The following PIP4P2 variants were observed in gnomAD, a reference collection of about 807,000 sequenced individuals.
PIP4P2 encodes the protein phosphatidylinositol-4,5-bisphosphate 4-phosphatase 2.
Under a neutral mutation model 33.3 loss-of-function variants are expected in PIP4P2, and 19 were observed. The observed-to-expected ratio is 0.57, with a 90% CI of 0.40 to 0.84. The LOEUF is 0.84. Among genes scored for constraint, PIP4P2 ranks in the 40% least tolerant of loss-of-function variants. PIP4P2 has a pLI of 0.00. For synonymous variants in PIP4P2, 110 were observed against 111.9 expected, an observed-to-expected ratio of 0.98 and a Z score of 0.11; for missense variants, 270 against 324.7, an observed-to-expected ratio of 0.83 and a Z score of 1.29.
At position 91,011,628 on chromosome 8, in the gene PIP4P2, C is replaced by T. The variant is rs537593064; in HGVS notation, c.487-2833G>A. On this transcript the variant is annotated intron_variant, in intron 4 of 6. Coordinates refer to ENST00000285419, the MANE Select transcript of PIP4P2 (RefSeq NM_018710.3). ...ATTTTTTAATCCTAGCAATTCCCAA[C>T]GAACATGGAACTCTTTACTCACAAA... is the stretch of plus-strand genomic sequence containing the variant. Among the ~76,000 whole-genome samples the T allele has an allele frequency of 7.2e-4, 110 of 152,078 alleles. No individual in the cohort carries two copies. The East Asian group carries it at 7.5e-3, about 10-fold the overall frequency.
chr8:91,032,451 C>T (rs1370596679), intron 1 of PIP4P2, among the ~76,000 whole-genome samples: 1 of 151,970 alleles, frequency 6.6e-6, no homozygotes, highest in Non-Finnish European at 1.5e-5. Context: ...CTATGGAATG[C>T]CATTCCCAAT....
intron 1 of PIP4P2, among the ~76,000 whole-genome samples, chr8:91,032,026 G>C (rs572196258): frequency 6.6e-6 from 1 of 152,216 alleles, no homozygotes; most frequent in Non-Finnish European, 1.5e-5. Context: ...ACCACTCCTT[G>C]GATAAATGTG....
intron 5 of PIP4P2, 117 bp downstream of exon 5, chr8:91,008,626 G>T: frequency 1.3e-6 from 1 of 785,162 alleles, no homozygotes. Flanking sequence ...AAATACATTG[G>T]CATGGATTCA....
intron 1 of PIP4P2, chr8:91,024,387 T>C (rs1812053553): frequency 2.5e-6 from 1 of 399,166 alleles, no homozygotes; most frequent in Non-Finnish European, 5.0e-6. Flanking sequence ...TAGAATAAGA[T>C]TATTAATTTA....
In PIP4P2 at chr8:90,995,728, A is replaced by G; in HGVS notation, c.723T>C (p.Ala241=). Residue 241 remains alanine, a synonymous_variant, in exon 7 of 7, where the codon GCT becomes GCC. Transcript: ENST00000285419. ...TGACTCTTATGGCTCCCCAATAACA[A>G]GCTCGGATAAGGCAGATCAATCCTA... ...YLLGLICLIR[A]CYWGAIRVSY... is the part of the protein sequence containing the mutation. 1 of 1,613,388 alleles carries G rather than the reference A, an allele frequency of 6.2e-7. No individual in the cohort carries two copies. Among genetic ancestry groups the G allele is most frequent in the Non-Finnish European group, 8.5e-7 (1 of 1,179,602 alleles).
chr8:91,031,151 G>A (rs140635597), intron 1 of PIP4P2, among the ~76,000 whole-genome samples: 1 of 152,164 alleles, frequency 6.6e-6, no homozygotes, highest in Middle Eastern at 3.2e-3. Context: ...ATCCAAATAC[G>A]ACTTTTGCTG....
chr8:91,001,033 T>C (rs1395204315), intron 5 of PIP4P2, among the ~76,000 whole-genome samples: 1 of 152,096 alleles, frequency 6.6e-6, no homozygotes. Flanking sequence ...TGTAATAATT[T>C]CTAGAAGTTC....
At chr8:91,019,413 AAAAAAAAAAAAT>A (rs1388447689) in intron 3 of PIP4P2, among the ~76,000 whole-genome samples, 10 of 145,512 alleles carry the variant, frequency 6.9e-5, no homozygotes, top group South Asian at 4.5e-4. Flanking sequence ...AAAAAAAAAA[AAAAAAAAAAAAT>A]ATATTACCTG....
chr8:91,026,004 A>C (rs1396698933), intron 1 of PIP4P2, among the ~76,000 whole-genome samples: 1 of 152,188 alleles, frequency 6.6e-6, no homozygotes, highest in African/African-American at 2.4e-5. Context: ...CTGGCTGAAG[A>C]CAGGTTGAAA....
At chr8:91,031,565 T>C (rs1457000701) in intron 1 of PIP4P2, among the ~76,000 whole-genome samples, 1 of 152,174 alleles carries the variant, frequency 6.6e-6, no homozygotes, top group Non-Finnish European at 1.5e-5. Flanking sequence ...AATATCTCAA[T>C]ATGAGAGGAA....
At chr8:91,030,796 A>G (rs978653212) in intron 1 of PIP4P2, among the ~76,000 whole-genome samples, 1 of 152,060 alleles carries the variant, frequency 6.6e-6, no homozygotes, top group Non-Finnish European at 1.5e-5. Flanking sequence ...TCTTCATCTC[A>G]TTGTTTTTTC....
intron 1 of PIP4P2, among the ~76,000 whole-genome samples, chr8:91,023,477 G>T (rs1812040162): frequency 6.6e-6 from 1 of 151,806 alleles, no homozygotes; most frequent in Non-Finnish European, 1.5e-5. Context: ...ATTTCAGAGG[G>T]TGATCTTAAC....
chr8:91,007,040 T>C (rs958310946), intron 5 of PIP4P2, among the ~76,000 whole-genome samples: 9 of 152,232 alleles, frequency 5.9e-5, no homozygotes, highest in African/African-American at 2.2e-4. Context: ...TTGGTGAATA[T>C]ATTTGCAATT....
chr8:91,022,488 C>CT (rs1286562163), intron 1 of PIP4P2, among the ~76,000 whole-genome samples: 1 of 152,162 alleles, frequency 6.6e-6, no homozygotes, highest in Non-Finnish European at 1.5e-5. Context: ...GAATAGAAGA[C>CT]TTTTCCAAGG....
intron 1 of PIP4P2, among the ~76,000 whole-genome samples, chr8:91,027,570 A>G (rs1308851054): frequency 6.6e-6 from 1 of 152,136 alleles, no homozygotes; most frequent in Non-Finnish European, 1.5e-5. Context: ...GATAATATGT[A>G]TTTCCAGAAA....
intron 5 of PIP4P2, among the ~76,000 whole-genome samples, chr8:91,003,911 T>C (rs576645201): frequency 1.2e-4 from 18 of 151,316 alleles, no homozygotes; most frequent in Admixed American, 1.1e-3. Context: ...GAAACCATTG[T>C]ATTAGTCAGG....
intron 1 of PIP4P2, among the ~76,000 whole-genome samples, chr8:91,026,343 C>T (rs977857731): frequency 1.3e-5 from 2 of 152,098 alleles, no homozygotes; most frequent in African/African-American, 4.8e-5. Flanking sequence ...TTCGCCAGAA[C>T]CAGCTTCCTT....
chr8:91,033,965 G>GC (rs373982510), intron 1 of PIP4P2, among the ~76,000 whole-genome samples: 4 of 152,090 alleles, frequency 2.6e-5, no homozygotes, highest in African/African-American at 9.6e-5. Context: ...TTTTAAAATA[G>GC]CAAGTGTTAT....
In PIP4P2 at chr8:90,994,530, A is replaced by G. The variant is rs2130343596; in HGVS notation, c.*1147T>C. 6.5e-6 allele frequency: 1 copy of G among 152,674 alleles called. No individual in the cohort carries two copies. The highest frequency in any genetic ancestry group is 1.9e-4 in the East Asian group (1 of 5,190). 9.5% of individuals were successfully genotyped at this position (152,674 alleles called of 1,614,324 possible). A position where few individuals can be genotyped will look rare whatever the true frequency, so the allele number is the denominator to read the frequency against. On this transcript the variant is annotated 3_prime_UTR_variant, in exon 7 of 7. Coordinates refer to ENST00000285419, the MANE Select transcript of PIP4P2 (RefSeq NM_018710.3). The stretch of plus-strand genomic sequence containing the variant: ...AAAGACTGTAGAACATTTGTGATTA[A>G]GCAATTTCTTTTTCAAAACTGCAAA...
Sources: gnomAD v4.1 joint callset for allele counts (sites outside exome capture counted in the v4.1 genomes callset) on GRCh38, gnomAD v4.1.1 for gene constraint, MANE v1.5 for transcripts, NCBI Gene and HGNC (gene_info 2026-07-23, HGNC 2026-07-21) for gene names.